The following HS3ST5 variants were observed in gnomAD, a reference collection of about 807,000 sequenced individuals.
The protein encoded by HS3ST5 is heparan sulfate glucosamine 3-O-sulfotransferase 5.
A neutral mutation model predicts 25.4 loss-of-function variants in HS3ST5; 10 were observed. That is an observed-to-expected ratio of 0.39 (90% CI 0.24 to 0.67). The LOEUF is 0.67. Ranked by LOEUF, HS3ST5 falls within the 30% of genes least tolerant of loss-of-function variation. HS3ST5 has a pLI of 0.44. For missense variants in HS3ST5, 324 were observed against 420.7 expected, an observed-to-expected ratio of 0.77 and a Z score of 2.01; for synonymous variants, 170 against 162.4, an observed-to-expected ratio of 1.05 and a Z score of -0.36.
At chr6:114,075,097 AATATGG>A (rs1774038719) in intron 3 of HS3ST5, among the ~76,000 whole-genome samples, 1 of 152,224 alleles carries the variant, frequency 6.6e-6, no homozygotes, top group African/African-American at 2.4e-5. Context: ...TGCAGGAAAT[AATATGG>A]ACAACAGACA....
intron 3 of HS3ST5, 89 bp from the exon 4 acceptor site, chr6:114,062,966 T>C (rs1773220886): frequency 2.9e-6 from 2 of 685,648 alleles, no homozygotes; most frequent in Non-Finnish European, 5.1e-6. Context: ...AGGTGATAAG[T>C]GACACTGCAC....
chr6:114,098,540 T>A (rs545263539), intron 3 of HS3ST5, among the ~76,000 whole-genome samples: 40 of 148,364 alleles, frequency 2.7e-4, no homozygotes, highest in East Asian at 1.4e-3. Flanking sequence ...CAAATATATA[T>A]TTTAATATAT....
chr6:114,237,432 AT>A, intron 1 of HS3ST5, among the ~76,000 whole-genome samples: 1 of 151,836 alleles, frequency 6.6e-6, no homozygotes, highest in Non-Finnish European at 1.5e-5. Flanking sequence ...TTCCTCCTCA[AT>A]TTTTATTTTG....
At position 114,060,255 on chromosome 6, in the gene HS3ST5, G is replaced by A. The variant is rs142457271; in HGVS notation, c.108-2065C>T. On this transcript the variant is annotated intron_variant, in intron 4 of 4. Transcript: ENST00000312719. ...TCTTGAACTCCTGATCTCGTGATTCGCCTGCCTCAGCCTCCCAAAGTGCTG... is the reference window on the plus strand; with the variant it reads ...TCTTGAACTCCTGATCTCGTGATTCACCTGCCTCAGCCTCCCAAAGTGCTG... Among the ~76,000 whole-genome samples, 81 of 151,862 alleles carry A rather than the reference G, an allele frequency of 5.3e-4. 1 individual carries two copies. The highest frequency in any genetic ancestry group is 1.7e-3 in the African/African-American group (72 of 41,392).
chr6:114,328,069 A>G (rs1776241903), intron 1 of HS3ST5, among the ~76,000 whole-genome samples: 1 of 152,206 alleles, frequency 6.6e-6, no homozygotes. Context: ...TTCTTATTGT[A>G]AAAAAGAATG....
intron 3 of HS3ST5, among the ~76,000 whole-genome samples, chr6:114,161,317 C>T (rs60132574): frequency 0.08 from 12,097 of 150,620 alleles, 564 homozygotes; most frequent in African/African-American, 0.12. Context: ...GACAACATTC[C>T]TCCTTAGGAA....
intron 2 of HS3ST5, among the ~76,000 whole-genome samples, chr6:114,169,625 G>A (rs1779379152): frequency 6.6e-6 from 1 of 152,114 alleles, no homozygotes; most frequent in African/African-American, 2.4e-5. Flanking sequence ...GCTGACCTCA[G>A]TATGAAACAT....
At position 114,133,433 on chromosome 6, in the gene HS3ST5, C is replaced by A. The variant is rs9387191; in HGVS notation, c.-33+34918G>T. On this transcript the variant is annotated intron_variant, in intron 3 of 4. Transcript: ENST00000312719. ...GTAGTATCATGTGTTTGTGTGTGCACGTATATACACAGTTGCACTTTAGCT... is the reference window on the plus strand; with the variant it reads ...GTAGTATCATGTGTTTGTGTGTGCAAGTATATACACAGTTGCACTTTAGCT... Among the ~76,000 whole-genome samples, 440 of 152,212 alleles carry A rather than the reference C, an allele frequency of 2.9e-3. 12 individuals are homozygous for A. The East Asian group carries it at 0.052, about 18-fold the overall frequency.
intron 2 of HS3ST5, among the ~76,000 whole-genome samples, chr6:114,177,382 A>G (rs1779772917): frequency 6.6e-6 from 1 of 152,208 alleles, no homozygotes; most frequent in African/African-American, 2.4e-5. Flanking sequence ...TAGTGTTCCT[A>G]AAGTCTTGAC....
Position 114,323,146 on chromosome 6 carries a change from T to C in HS3ST5, c.-339+19049A>G, listed in dbSNP as rs537691895. The stretch of plus-strand genomic sequence containing the variant: ...CTGGTCATTTGTTACCTCAACATAA[T>C]GTAGCCTATTGCCAACTAACAAATG... On this transcript the variant is annotated intron_variant, in intron 1 of 4. Coordinates refer to ENST00000312719, the MANE Select transcript of HS3ST5 (RefSeq NM_153612.4). Among the ~76,000 whole-genome samples, 17 of 152,276 alleles carry C rather than the reference T, an allele frequency of 1.1e-4. No individual in the cohort carries two copies. The South Asian group carries it at 3.5e-3, about 32-fold the overall frequency.
intron 3 of HS3ST5, among the ~76,000 whole-genome samples, chr6:114,161,386 T>C (rs2114982653): frequency 6.7e-6 from 1 of 149,876 alleles, no homozygotes; most frequent in South Asian, 2.1e-4. Flanking sequence ...TATGTTTTGC[T>C]CTATACTAGA....
At chr6:114,335,101 T>C (rs1776555352) in intron 1 of HS3ST5, among the ~76,000 whole-genome samples, 1 of 152,118 alleles carries the variant, frequency 6.6e-6, no homozygotes, top group Non-Finnish European at 1.5e-5. Context: ...GAGGGTTAAA[T>C]ATGGGCTTCA....
intron 3 of HS3ST5, among the ~76,000 whole-genome samples, chr6:114,123,737 T>C (rs1776904879): frequency 6.6e-6 from 1 of 152,226 alleles, no homozygotes; most frequent in Non-Finnish European, 1.5e-5. Context: ...TTGGCTAACA[T>C]GTACTCTGTA....
chr6:114,253,044 G>T (rs563941681), intron 1 of HS3ST5, among the ~76,000 whole-genome samples: 1 of 152,178 alleles, frequency 6.6e-6, no homozygotes, highest in South Asian at 2.1e-4. Context: ...ACTTAGGTGG[G>T]TGGGTATTGT....
At position 114,342,453 on chromosome 6, in the gene HS3ST5, C is replaced by G. The variant is rs898888716; in HGVS notation, c.-597G>C. 2 of 189,092 alleles carry G rather than the reference C, an allele frequency of 1.1e-5. No homozygotes were observed. Among genetic ancestry groups the G allele is most frequent in the Admixed American group, 6.4e-5 (1 of 15,664 alleles). 11.7% of individuals were successfully genotyped at this position (189,092 alleles called of 1,614,324 possible). ...GCGGCGGCGGCGGCGGCGGCGAGGT[C>G]TGAGGCGGGGAGCCGGGCGGGGGGG... On this transcript the variant is annotated 5_prime_UTR_variant, in exon 1 of 5. Transcript: ENST00000312719.
intron 3 of HS3ST5, among the ~76,000 whole-genome samples, chr6:114,080,953 GT>G (rs764566225): frequency 1.3e-4 from 20 of 152,208 alleles, no homozygotes; most frequent in Middle Eastern, 6.8e-3. Flanking sequence ...TACAACAAAA[GT>G]AATAAAAAAT....
At chr6:114,222,438 T>C (rs1782086235) in intron 2 of HS3ST5, among the ~76,000 whole-genome samples, 1 of 151,870 alleles carries the variant, frequency 6.6e-6, no homozygotes, top group Non-Finnish European at 1.5e-5. Context: ...TGAATTACAA[T>C]GTATATAGGA....
intron 3 of HS3ST5, among the ~76,000 whole-genome samples, chr6:114,144,984 G>A (rs117064502): frequency 0.012 from 1,775 of 152,234 alleles, 15 homozygotes; most frequent in Middle Eastern, 0.024. Context: ...GCAGAGCCTG[G>A]GCCATTCAAA....
chr6:114,298,658 G>T (rs564475305), intron 1 of HS3ST5, among the ~76,000 whole-genome samples: 156 of 152,354 alleles, frequency 1.0e-3, no homozygotes, highest in African/African-American at 3.5e-3. Context: ...CGAATGGGGG[G>T]ACCGGCTGAA....
Sources: gnomAD v4.1 joint callset for allele counts (sites outside exome capture counted in the v4.1 genomes callset) on GRCh38, gnomAD v4.1.1 for gene constraint, MANE v1.5 for transcripts, NCBI Gene and HGNC (gene_info 2026-07-23, HGNC 2026-07-21) for gene names.